Variants in GALNTL6 observed in about 807,000 individuals in gnomAD.
GALNTL6 encodes polypeptide N-acetylgalactosaminyltransferase like 6.
Under a neutral mutation model 73.7 loss-of-function variants are expected in GALNTL6, and 46 were observed. The observed-to-expected ratio is 0.62, with a 90% confidence interval of 0.49 to 0.80. The LOEUF (loss-of-function observed/expected upper bound fraction) is 0.80. Ranked by LOEUF, GALNTL6 falls within the 30% of genes least tolerant of loss-of-function variation. GALNTL6 has a pLI of 0.00. For synonymous variants in GALNTL6, 259 were observed against 263.7 expected, an observed-to-expected ratio of 0.98 and a Z score of 0.17; for missense variants, 604 against 755.0, an observed-to-expected ratio of 0.80 and a Z score of 2.34.
At chr4:171,946,949 T>G (rs767589166) in intron 2 of GALNTL6, among the ~76,000 whole-genome samples, 14 of 152,078 alleles carry the variant, frequency 9.2e-5, no homozygotes, top group Non-Finnish European at 2.1e-4. Flanking sequence ...AACAAGGAAG[T>G]GAAAATGTCT....
intron 5 of GALNTL6, among the ~76,000 whole-genome samples, chr4:172,715,598 A>G (rs1253505654): frequency 6.6e-6 from 1 of 152,216 alleles, no homozygotes; most frequent in Non-Finnish European, 1.5e-5. Flanking sequence ...TTTTATATTC[A>G]GAGACCAGTT....
At chr4:172,758,400 G>A (rs1277527405) in intron 5 of GALNTL6, among the ~76,000 whole-genome samples, 1 of 152,104 alleles carries the variant, frequency 6.6e-6, no homozygotes, top group Non-Finnish European at 1.5e-5. Context: ...CCCAGGCATG[G>A]TGGCGAGCAC....
At chr4:172,957,150 C>T (rs186510847) in intron 10 of GALNTL6, among the ~76,000 whole-genome samples, 210 of 152,238 alleles carry the variant, frequency 1.4e-3, no homozygotes, top group Middle Eastern at 3.4e-3. Context: ...AGCAAATCCC[C>T]GAGCTTGATG....
chr4:172,643,041 A>G (rs1270686759), intron 5 of GALNTL6, among the ~76,000 whole-genome samples: 1 of 151,836 alleles, frequency 6.6e-6, no homozygotes, highest in Non-Finnish European at 1.5e-5. Context: ...AAATAGATAT[A>G]TAGAAACTCA....
rs141481565 is a variant in GALNTL6 at position 172,768,901 on chromosome 4, C to G, written c.554-40460C>G. Among the ~76,000 whole-genome samples the G allele has an allele frequency of 3.7e-3, 568 of 152,052 alleles. 4 individuals are homozygous for G. The highest frequency in any genetic ancestry group is 0.017 in the Middle Eastern group (5 of 294). On this transcript the variant is annotated intron_variant, in intron 5 of 12. Transcript: ENST00000506823. ...AATTTTCTGTTCTCCTGTGACCACC[C>G]TGTCTGTATTGTTCCTGTCTCAGTG... is the stretch of plus-strand genomic sequence containing the variant.
At chr4:171,921,199 A>G (rs1737776076) in intron 2 of GALNTL6, among the ~76,000 whole-genome samples, 1 of 152,108 alleles carries the variant, frequency 6.6e-6, no homozygotes, top group Non-Finnish European at 1.5e-5. Flanking sequence ...ATCAAAGCCA[A>G]TATCTCATTC....
At chr4:172,637,206 A>C (rs1260708902) in intron 5 of GALNTL6, among the ~76,000 whole-genome samples, 2 of 152,180 alleles carry the variant, frequency 1.3e-5, no homozygotes, top group African/African-American at 4.8e-5. Context: ...GGTAAGGATA[A>C]AAAATTAAAA....
chr4:172,082,362 C>A (rs1322639366), intron 2 of GALNTL6, among the ~76,000 whole-genome samples: 2 of 152,118 alleles, frequency 1.3e-5, no homozygotes, highest in Admixed American at 1.3e-4. Flanking sequence ...TTTGAGATGC[C>A]TTTCAGAAAT....
intron 2 of GALNTL6, among the ~76,000 whole-genome samples, chr4:171,989,278 C>T (rs1313755316): frequency 6.6e-6 from 1 of 152,142 alleles, no homozygotes; most frequent in South Asian, 2.1e-4. Flanking sequence ...CTGAGGCGAT[C>T]CGGCAGTGTC....
At chr4:171,825,440 T>G (rs1353101872) in intron 2 of GALNTL6, among the ~76,000 whole-genome samples, 1 of 152,158 alleles carries the variant, frequency 6.6e-6, no homozygotes, top group Non-Finnish European at 1.5e-5. Flanking sequence ...TCAGATAGCC[T>G]AGCAGAATGG....
chr4:172,360,736 A>G (rs1419558654), intron 5 of GALNTL6, among the ~76,000 whole-genome samples: 1 of 152,076 alleles, frequency 6.6e-6, no homozygotes, highest in Non-Finnish European at 1.5e-5. Context: ...CTACACCACA[A>G]CTGTTTGTGA....
At chr4:172,354,364 T>G (rs531348569) in intron 5 of GALNTL6, among the ~76,000 whole-genome samples, 19 of 152,224 alleles carry the variant, frequency 1.2e-4, no homozygotes, top group Admixed American at 1.2e-3. Context: ...AATATAACAG[T>G]ATATTTAGAA....
intron 10 of GALNTL6, among the ~76,000 whole-genome samples, chr4:172,973,364 A>G (rs1478959298): frequency 6.6e-6 from 1 of 152,218 alleles, no homozygotes; most frequent in African/African-American, 2.4e-5. Context: ...AGAACAGCTA[A>G]CTGAATTTAA....
chr4:172,676,037 A>T (rs1310792978), intron 5 of GALNTL6, among the ~76,000 whole-genome samples: 1 of 152,342 alleles, frequency 6.6e-6, no homozygotes, highest in East Asian at 1.9e-4. Context: ...GGTTTTAAAT[A>T]AAAAAGTATA....
chr4:172,592,781 A>G (rs1188009033), intron 5 of GALNTL6, among the ~76,000 whole-genome samples: 1 of 151,966 alleles, frequency 6.6e-6, no homozygotes, highest in African/African-American at 2.4e-5. Context: ...CTTAGCTGAT[A>G]CAAAACTTCC....
chr4:172,753,592 C>T (rs1451435595), intron 5 of GALNTL6, among the ~76,000 whole-genome samples: 1 of 152,000 alleles, frequency 6.6e-6, no homozygotes, highest in African/African-American at 2.4e-5. Context: ...CCATTCGTTT[C>T]TAAAGTTGCA....
At chr4:172,081,889 T>TA (rs1342404420) in intron 2 of GALNTL6, among the ~76,000 whole-genome samples, 8 of 150,302 alleles carry the variant, frequency 5.3e-5, no homozygotes, top group Middle Eastern at 3.4e-3. Flanking sequence ...TTTTTTTTTT[T>TA]AAATTGAGAC....
intron 2 of GALNTL6, among the ~76,000 whole-genome samples, chr4:171,995,463 C>CA (rs1214085128): frequency 2.0e-5 from 3 of 151,622 alleles, no homozygotes; most frequent in Admixed American, 1.3e-4. Flanking sequence ...ATTTGCCACA[C>CA]AAAAAAATTA....
At position 173,003,436 on chromosome 4, in the gene GALNTL6, G is replaced by A. The variant is rs779080755; in HGVS notation, c.1372-5742G>A. On this transcript the variant is annotated intron_variant, in intron 10 of 12. Coordinates refer to ENST00000506823, the MANE Select transcript of GALNTL6 (RefSeq NM_001034845.3). ...TGCATTCTCCTTCGACTTAAGTGCCGTGAGCAATCCCATGATACAATAGAA... is the reference window on the plus strand; with the variant it reads ...TGCATTCTCCTTCGACTTAAGTGCCATGAGCAATCCCATGATACAATAGAA... 9.3e-4 allele frequency among the ~76,000 whole-genome samples: 141 copies of A among 152,312 alleles called. 1 individual carries two copies. Among genetic ancestry groups the A allele is most frequent in the South Asian group, 8.3e-4 (4 of 4,822 alleles).
Sources: gnomAD v4.1 joint callset for allele counts (sites outside exome capture counted in the v4.1 genomes callset) on GRCh38, gnomAD v4.1.1 for gene constraint, MANE v1.5 for transcripts, NCBI Gene and HGNC (gene_info 2026-07-23, HGNC 2026-07-21) for gene names.